The following EYS variants were observed in gnomAD, a reference collection of about 807,000 sequenced individuals.
The protein encoded by EYS is protein eyes shut homolog.
In EYS, 250 loss-of-function variants were observed where a neutral mutation model predicts 282.1. The ratio of observed to expected loss-of-function variants is 0.89; its 90% CI spans 0.80 to 0.98. EYS has a LOEUF of 0.98. EYS is among the 50% of genes least tolerant of loss of function. EYS has a pLI of 0.00. For synonymous variants in EYS, 1,355 were observed against 1,282.9 expected (o/e 1.06, Z -1.20); for missense variants, 4,016 against 3,709.0 (o/e 1.08, Z -2.15).
At chr6:65,051,290 T>C (rs1773260742) in intron 13 of EYS, among the ~76,000 whole-genome samples, 2 of 151,514 alleles carry the variant, frequency 1.3e-5, no homozygotes, top group Non-Finnish European at 3.0e-5. Context: ...AACATTATTT[T>C]CCCCCAGAAC....
At chr6:64,917,136 C>G (rs371054777) in intron 15 of EYS, among the ~76,000 whole-genome samples, 1 of 152,060 alleles carries the variant, frequency 6.6e-6, no homozygotes, top group African/African-American at 2.4e-5. Context: ...GTAGCCCCAG[C>G]TACGCGGGAG....
intron 26 of EYS, among the ~76,000 whole-genome samples, chr6:64,459,237 C>T (rs1052703679): frequency 3.9e-5 from 6 of 151,974 alleles, no homozygotes; most frequent in East Asian, 1.9e-4. Context: ...TTGTTGAATA[C>T]GTAAAGAATA....
At chr6:64,011,541 AT>A (rs146149625) in intron 33 of EYS, among the ~76,000 whole-genome samples, 4,075 of 144,618 alleles carry the variant, frequency 0.028, 131 homozygotes, top group African/African-American at 0.079. Context: ...TCTGTCTCAT[AT>A]TTTTTTTTCC....
chr6:65,166,480 C>T (rs568914000), intron 12 of EYS, among the ~76,000 whole-genome samples: 7 of 151,082 alleles, frequency 4.6e-5, no homozygotes, highest in Non-Finnish European at 8.9e-5. Flanking sequence ...ATTCAATAAG[C>T]ATAGAATATC....
intron 41 of EYS, among the ~76,000 whole-genome samples, chr6:63,754,761 G>C (rs768186109): frequency 1.3e-5 from 2 of 152,030 alleles, no homozygotes; most frequent in Non-Finnish European, 2.9e-5. Flanking sequence ...CTTAAGGAAT[G>C]GCCACACTGT....
chr6:65,289,342 T>A (rs1043701968), intron 12 of EYS, among the ~76,000 whole-genome samples: 15 of 151,040 alleles, frequency 9.9e-5, no homozygotes, highest in African/African-American at 3.4e-4. Flanking sequence ...TATACATTTA[T>A]GTTTATTATA....
At chr6:64,656,871 G>A (rs953649119) in intron 22 of EYS, among the ~76,000 whole-genome samples, 10 of 152,138 alleles carry the variant, frequency 6.6e-5, no homozygotes, top group African/African-American at 2.2e-4. Flanking sequence ...AGGTTGAAAT[G>A]GTAGGATGAG....
chr6:64,038,473 T>C (rs1770228850), intron 33 of EYS, among the ~76,000 whole-genome samples: 1 of 152,100 alleles, frequency 6.6e-6, no homozygotes. Context: ...TACATTAAAA[T>C]AAAAGTCTTA....
intron 28 of EYS, among the ~76,000 whole-genome samples, chr6:64,423,923 A>T (rs1295104791): frequency 6.6e-6 from 1 of 152,218 alleles, no homozygotes; most frequent in Non-Finnish European, 1.5e-5. Context: ...TATGAACACA[A>T]TCACTTTTGA....
chr6:65,359,456 C>T (rs1181841349), intron 8 of EYS, among the ~76,000 whole-genome samples: 1 of 151,908 alleles, frequency 6.6e-6, no homozygotes, highest in Non-Finnish European at 1.5e-5. Context: ...ACTTTAGATG[C>T]TGATTTCTTA....
intron 26 of EYS, among the ~76,000 whole-genome samples, chr6:64,463,722 A>C (rs2150487129): frequency 1.3e-5 from 2 of 152,356 alleles, no homozygotes; most frequent in East Asian, 1.9e-4. Context: ...AAAATGAAAA[A>C]GACACATTAC....
chr6:65,346,262 G>A (rs1288399203), intron 9 of EYS, among the ~76,000 whole-genome samples: 1 of 151,464 alleles, frequency 6.6e-6, no homozygotes, highest in Non-Finnish European at 1.5e-5. Flanking sequence ...CCCACATTTG[G>A]CAGAAAGACT....
chr6:64,101,038 C>T (rs1020530838), intron 31 of EYS, among the ~76,000 whole-genome samples: 4 of 152,020 alleles, frequency 2.6e-5, no homozygotes, highest in African/African-American at 9.7e-5. Context: ...GTAGCTAAAA[C>T]CAGCAAATGT....
chr6:65,350,547 C>T (rs566088915), intron 9 of EYS, among the ~76,000 whole-genome samples: 2 of 151,646 alleles, frequency 1.3e-5, no homozygotes, highest in African/African-American at 2.4e-5. Flanking sequence ...ACTGAAATAA[C>T]GACATGCTTC....
At chr6:64,117,726 A>G (rs1773437245) in intron 31 of EYS, among the ~76,000 whole-genome samples, 1 of 151,992 alleles carries the variant, frequency 6.6e-6, no homozygotes, top group African/African-American at 2.4e-5. Flanking sequence ...AGAAAAAAAT[A>G]AAGGGTATAC....
At chr6:65,239,303 GAATCAATAAATTATAGAC>G (rs1318116767) in intron 12 of EYS, among the ~76,000 whole-genome samples, 1 of 151,930 alleles carries the variant, frequency 6.6e-6, no homozygotes, top group African/African-American at 2.4e-5. Flanking sequence ...TGACATAAAT[GAATCAATAAATTATAGAC>G]AAGAATCACC....
chr6:64,923,302 C>A (rs2150082857), intron 15 of EYS, among the ~76,000 whole-genome samples: 1 of 152,184 alleles, frequency 6.6e-6, no homozygotes, highest in Non-Finnish European at 1.5e-5. Context: ...CCATCAGATC[C>A]CATGAGACTT....
chr6:65,031,446 T>C (rs1012305986), intron 13 of EYS, among the ~76,000 whole-genome samples: 1 of 152,066 alleles, frequency 6.6e-6, no homozygotes, highest in Non-Finnish European at 1.5e-5. Context: ...CATTGGCATA[T>C]GACACCAACT....
intron 1 of EYS, among the ~76,000 whole-genome samples, chr6:65,691,353 T>A (rs1381027279): frequency 6.6e-6 from 1 of 150,430 alleles, no homozygotes; most frequent in Admixed American, 6.7e-5. Context: ...CTTTTTTTCA[T>A]ACAATTGTTG....
Sources: gnomAD v4.1 joint callset for allele counts (sites outside exome capture counted in the v4.1 genomes callset) on GRCh38, gnomAD v4.1.1 for gene constraint, MANE v1.5 for transcripts, NCBI Gene and HGNC (gene_info 2026-07-23, HGNC 2026-07-21) for gene names.